Variants in EIPR1 observed in about 807,000 individuals in gnomAD.
EIPR1 encodes EARP complex and GARP complex interacting protein 1, also known as EARP and GARP complex-interacting protein 1.
EIPR1 carries 25 observed loss-of-function variants against 48.1 expected under a neutral mutation model. The observed-to-expected ratio is 0.52, with a 90% CI of 0.38 to 0.73. The LOEUF (loss-of-function observed/expected upper bound fraction) is 0.73, where lower values mean the gene tolerates loss of function less well. Ranked by LOEUF, EIPR1 falls within the 30% of genes least tolerant of loss-of-function variation. EIPR1 has a pLI of 0.00. For synonymous variants in EIPR1, 204 were observed against 201.9 expected (o/e 1.01, Z -0.09); for missense variants, 415 against 506.2 (o/e 0.82, Z 1.73).
intron 4 of EIPR1, among the ~76,000 whole-genome samples, chr2:3,245,425 G>A (rs1558247912): frequency 6.6e-6 from 1 of 152,130 alleles, no homozygotes; most frequent in Non-Finnish European, 1.5e-5. Context: ...GCTGGCCAGG[G>A]TGGTTTCAAA....
intron 3 of EIPR1, chr2:3,274,545 A>G (rs1453285187): frequency 7.7e-7 from 1 of 1,292,224 alleles, no homozygotes; most frequent in Non-Finnish European, 1.0e-6. Context: ...AACCATGAGA[A>G]TTTACCTCCA....
At chr2:3,299,879 C>T (rs907780709) in intron 3 of EIPR1, among the ~76,000 whole-genome samples, 4 of 152,122 alleles carry the variant, frequency 2.6e-5, no homozygotes, top group South Asian at 2.1e-4. Context: ...CACTCACAGT[C>T]GAGTGATCCT....
At chr2:3,365,519 G>A (rs916571279) in intron 1 of EIPR1, among the ~76,000 whole-genome samples, 148 of 150,456 alleles carry the variant, frequency 9.8e-4, no homozygotes, top group Non-Finnish European at 1.8e-3. Flanking sequence ...GATCATTCTT[G>A]GGTGTTTCTC....
chr2:3,189,141 G>T lies in EIPR1; in HGVS notation c.*193C>A. On this transcript the variant is annotated 3_prime_UTR_variant, in exon 9 of 9. Coordinates refer to ENST00000382125, the MANE Select transcript of EIPR1 (RefSeq NM_003310.5). The surrounding 1 kb of genome is among the most constrained non-coding windows in gnomAD (Gnocchi z 4.6). ...GTCTCTGCCGACAGGGGCTGGGTTC[G>T]GGCATTAGCTGTGCCGTCGACAATA... 2.2e-6 allele frequency: 1 copy of T among 460,870 alleles called. No individual in the cohort carries two copies. The highest frequency in any genetic ancestry group is 3.7e-6 in the Non-Finnish European group (1 of 272,142). 28.5% of individuals were successfully genotyped at this position (460,870 alleles called of 1,614,324 possible).
intron 3 of EIPR1, among the ~76,000 whole-genome samples, chr2:3,259,773 C>T (rs34276084): frequency 0.066 from 10,007 of 152,256 alleles, 339 homozygotes; most frequent in African/African-American, 0.073. Flanking sequence ...GAAACAGACC[C>T]TTAGAAAGAT....
chr2:3,256,105 G>A lies in EIPR1; in HGVS notation c.416+1194C>T, dbSNP rs1013433639. ...ATCTCCGTAAGAAGAAATATCCACCGACGTGGTAGAAGCACAGCAAGTATA... is the reference window on the plus strand; with the variant it reads ...ATCTCCGTAAGAAGAAATATCCACCAACGTGGTAGAAGCACAGCAAGTATA... On this transcript the variant is annotated intron_variant, in intron 4 of 8. Transcript: ENST00000382125. Among the ~76,000 whole-genome samples, 7 of 152,236 alleles carry A rather than the reference G, an allele frequency of 4.6e-5. No individual in the cohort carries two copies. The South Asian group carries it at 1.2e-3, about 27-fold the overall frequency.
chr2:3,191,599 G>C (rs566309226), intron 8 of EIPR1, among the ~76,000 whole-genome samples: 1 of 152,322 alleles, frequency 6.6e-6, no homozygotes, highest in East Asian at 1.9e-4. Flanking sequence ...AACTTCACAA[G>C]GTTTTATTCC....
chr2:3,272,321 A>C (rs2103246905), intron 3 of EIPR1, among the ~76,000 whole-genome samples: 1 of 152,332 alleles, frequency 6.6e-6, no homozygotes, highest in South Asian at 2.1e-4. Context: ...TTCCCTTTGC[A>C]TTCACAACTT....
intron 4 of EIPR1, among the ~76,000 whole-genome samples, chr2:3,217,874 G>A (rs1254556008): frequency 1.3e-5 from 2 of 152,080 alleles, no homozygotes; most frequent in South Asian, 4.1e-4. Context: ...CACCTTAGCT[G>A]AGAAACCCCC....
At chr2:3,239,073 G>A (rs1214743689) in intron 4 of EIPR1, among the ~76,000 whole-genome samples, 6 of 152,172 alleles carry the variant, frequency 3.9e-5, no homozygotes, top group South Asian at 2.1e-4. Context: ...GAGGTGCCAC[G>A]GCCAAGGATG....
intron 1 of EIPR1, among the ~76,000 whole-genome samples, chr2:3,369,299 G>C (rs1051723277): frequency 6.6e-6 from 1 of 152,224 alleles, no homozygotes; most frequent in African/African-American, 2.4e-5. Flanking sequence ...AGCTCCCAGC[G>C]TGAGCAACGC....
chr2:3,371,694 T>TA (rs1671119202), intron 1 of EIPR1, among the ~76,000 whole-genome samples: 2 of 152,310 alleles, frequency 1.3e-5, no homozygotes, highest in South Asian at 4.1e-4. Flanking sequence ...ATCCTAAATA[T>TA]ATATGCACCC....
intron 5 of EIPR1, among the ~76,000 whole-genome samples, chr2:3,201,394 G>A (rs999400706): frequency 2.0e-5 from 3 of 152,176 alleles, no homozygotes; most frequent in Non-Finnish European, 4.4e-5. Context: ...AATCAGAGGC[G>A]CCTCCCACCT....
At chr2:3,199,060 G>GCCCCCCCCCCC (rs1214394853) in intron 5 of EIPR1, among the ~76,000 whole-genome samples, 1 of 23,354 alleles carries the variant, frequency 4.3e-5, no homozygotes, top group Non-Finnish European at 9.9e-5. Context: ...CATTTTAGAG[G>GCCCCCCCCCCC]GCCCCCCCCC....
rs547061365 is a variant in EIPR1 at position 3,372,819 on chromosome 2, C to T, written c.42+4829G>A. On this transcript the variant is annotated intron_variant, in intron 1 of 8. Transcript: ENST00000382125. ...CAGAGGTATAAGGAGGAACTGGTAC[C>T]ATTCCTTCTGAAACTATTCCAATCA... 4.1e-3 allele frequency among the ~76,000 whole-genome samples: 632 copies of T among 152,316 alleles called. 4 individuals carry two copies. The highest frequency in any genetic ancestry group is 0.014 in the African/African-American group (573 of 41,544).
At position 3,194,252 on chromosome 2, in the gene EIPR1, G is replaced by A. The variant is rs1001139254; in HGVS notation, c.654-86C>T. 4.3e-5 allele frequency: 66 copies of A among 1,532,960 alleles called. No individual in the cohort carries two copies. In the Admixed American group the frequency reaches 6.1e-4, roughly 14 times the overall value. The allele number at this position is 1,532,960 out of a possible 1,614,324, so 95.0% of individuals were successfully genotyped here. Reference sequence around the variant, plus strand: ...TGCTGCGGGCACACACTGGTTTCCCGGGACCCTGTCTAATCCCCCGGCCCA... The same window carrying A: ...TGCTGCGGGCACACACTGGTTTCCCAGGACCCTGTCTAATCCCCCGGCCCA... On this transcript the variant is annotated intron_variant, in intron 6 of 8. Coordinates refer to ENST00000382125, the MANE Select transcript of EIPR1 (RefSeq NM_003310.5).
At chr2:3,376,932 C>T (rs1333728330) in intron 1 of EIPR1, among the ~76,000 whole-genome samples, 1 of 152,196 alleles carries the variant, frequency 6.6e-6, no homozygotes, top group African/African-American at 2.4e-5. Flanking sequence ...CTACCTCATT[C>T]CCCCTGACGC....
chr2:3,204,505 C>T (rs752594), intron 5 of EIPR1, among the ~76,000 whole-genome samples: 138,060 of 152,060 alleles, frequency 0.91, 63,072 homozygotes, highest in East Asian at 0.98. Flanking sequence ...CCACAGGGTG[C>T]AATGCATGCA....
At chr2:3,376,503 C>T (rs184448261) in intron 1 of EIPR1, among the ~76,000 whole-genome samples, 15 of 152,204 alleles carry the variant, frequency 9.9e-5, no homozygotes, top group African/African-American at 3.6e-4. Flanking sequence ...CCAGCCAGGC[C>T]AAGATGGTGA....
Sources: allele counts gnomAD v4.1 joint callset (sites outside exome capture counted in the v4.1 genomes callset), GRCh38; gene constraint gnomAD v4.1.1; non-coding constraint Gnocchi (gnomAD v3.1); transcripts MANE v1.5; gene names NCBI Gene and HGNC (gene_info 2026-07-23, HGNC 2026-07-21).